The following PSAP variants were observed in gnomAD, a reference collection of about 807,000 sequenced individuals.
PSAP encodes the protein precursor of saposins.
In PSAP, 25 loss-of-function variants were observed where a neutral mutation model predicts 66.0. The observed-to-expected ratio is 0.38, with a 90% CI of 0.28 to 0.53. PSAP has a LOEUF of 0.53. Among genes scored for constraint, PSAP ranks in the 20% least tolerant of loss-of-function variants. The pLI is 0.83. For synonymous variants in PSAP, 273 were observed against 258.9 expected, an observed-to-expected ratio of 1.05 and a Z score of -0.52; for missense variants, 649 against 668.8, an observed-to-expected ratio of 0.97 and a Z score of 0.33.
chr10:71,847,497 G>A (rs905633146), intron 1 of PSAP, among the ~76,000 whole-genome samples: 5 of 151,970 alleles, frequency 3.3e-5, no homozygotes, highest in Non-Finnish European at 5.9e-5. Flanking sequence ...GCAGTGAGCC[G>A]AGATCGCGCC....
At chr10:71,826,360 A>C (rs1842399352) in intron 6 of PSAP, among the ~76,000 whole-genome samples, 1 of 152,214 alleles carries the variant, frequency 6.6e-6, no homozygotes, top group South Asian at 2.1e-4. Context: ...ATTTTCAGAC[A>C]ATCTAGATAC....
rs974962311 is a variant in PSAP, at chr10:71,834,579, G to A, written c.41-74C>T. On this transcript the variant is annotated intron_variant, in intron 1 of 13. Transcript: ENST00000394936. ...GGTCGACCTGACTTATTTCCCCAGGGCTGAGGGCGACTGTCCTTGAGCTGG... is the reference window on the plus strand; with the variant it reads ...GGTCGACCTGACTTATTTCCCCAGGACTGAGGGCGACTGTCCTTGAGCTGG... The A allele has an allele frequency of 3.2e-6, 5 of 1,570,876 alleles. No homozygotes were observed. The Admixed American group carries it at 7.3e-5, about 23-fold the overall frequency.
rs371857434 is a variant in PSAP at position 71,829,856 on chromosome 10, G to A, written c.376-779C>T. ...TCTACAAAAATACAAAAATTAGCCG[G>A]GCATGATGGTGGGTGCCTGTGATCC... is the stretch of plus-strand genomic sequence containing the variant. On this transcript the variant is annotated intron_variant, in intron 4 of 13. Transcript: ENST00000394936. Among the ~76,000 whole-genome samples, 10 of 152,148 alleles carry A rather than the reference G, an allele frequency of 6.6e-5. No individual in the cohort carries two copies. In the South Asian group the frequency reaches 1.9e-3, roughly 28 times the overall value.
chr10:71,839,367 C>CT (rs1842687958), intron 1 of PSAP, among the ~76,000 whole-genome samples: 2 of 152,066 alleles, frequency 1.3e-5, no homozygotes, highest in South Asian at 4.1e-4. Flanking sequence ...AGCCTCCCAA[C>CT]TAGCTGAGAT....
chr10:71,851,131 G>T, intron 1 of PSAP, 51 bp downstream of exon 1: 1 of 1,545,478 alleles, frequency 6.5e-7, no homozygotes, highest in Non-Finnish European at 8.8e-7. Flanking sequence ...TTCTGGGGCA[G>T]ATGGACGCTG....
At chr10:71,844,701 T>C (rs1842788244) in intron 1 of PSAP, 1 of 152,206 alleles carries the variant, frequency 6.6e-6, no homozygotes, top group Non-Finnish European at 1.5e-5. Context: ...TACTATATTG[T>C]AGTGAAAATG....
intron 1 of PSAP, among the ~76,000 whole-genome samples, chr10:71,835,719 T>C (rs182853743): frequency 1.5e-4 from 22 of 150,030 alleles, no homozygotes; most frequent in Non-Finnish European, 2.9e-4. Flanking sequence ...TACATCGGAC[T>C]ACACATAGAG....
chr10:71,839,167 A>C (rs1178548714), intron 1 of PSAP, among the ~76,000 whole-genome samples: 2 of 123,134 alleles, frequency 1.6e-5, no homozygotes, highest in African/African-American at 5.1e-5. Flanking sequence ...AAAGACATGA[A>C]CAGCACTCGG....
At chr10:71,832,685 C>T (rs886176498) in intron 2 of PSAP, among the ~76,000 whole-genome samples, 3 of 152,112 alleles carry the variant, frequency 2.0e-5, no homozygotes, top group Non-Finnish European at 4.4e-5. Flanking sequence ...GTTCCACAGA[C>T]AGCCCTCAAC....
rs552970787 is a variant in PSAP at position 71,844,922 on chromosome 10, T to C, written c.40+6260A>G. The C allele has an allele frequency of 2.0e-5, 3 of 152,312 alleles. No individual in the cohort carries two copies. The South Asian group carries it at 6.2e-4, about 32-fold the overall frequency. The allele number at this position is 152,312 out of a possible 1,614,324, so 9.4% of individuals were successfully genotyped here. On this transcript the variant is annotated intron_variant, in intron 1 of 13. Coordinates refer to ENST00000394936, the MANE Select transcript of PSAP (RefSeq NM_002778.4). ...TGCAGTTACCCACGGTCAAATGTGG[T>C]TTGAAAATGTATTCCCACAGTCAAA...
At chr10:71,828,848 G>C (rs763813688) in intron 5 of PSAP, 29 bp downstream of exon 5, 8 of 1,612,516 alleles carry the variant, frequency 5.0e-6, no homozygotes, top group Non-Finnish European at 6.8e-6. Flanking sequence ...ACCAAAAATG[G>C]GTCCTCAGTG....
Position 71,829,896 on chromosome 10 carries a change from G to A in PSAP, c.376-819C>T, listed in dbSNP as rs180842744. Among the ~76,000 whole-genome samples, 7 of 152,274 alleles carry A rather than the reference G, an allele frequency of 4.6e-5. No homozygotes were observed. The East Asian group carries it at 1.4e-3, about 29-fold the overall frequency. On this transcript the variant is annotated intron_variant, in intron 4 of 13. Coordinates refer to ENST00000394936, the MANE Select transcript of PSAP (RefSeq NM_002778.4). ...GCCTGTGATCCCAGCTACTTGGGAG[G>A]CTGAGATGGGAGAATCACTTGAACC...
Position 71,817,150 on chromosome 10 carries a change from CAG to C in PSAP, c.*289_*290del. ...GTCAAGAAACTGTGGCTCATGCCAG[CAG>C]AGCTCTCTCCTCCTCCAGCAGGCGC... On this transcript the variant is annotated 3_prime_UTR_variant, in exon 14 of 14. Coordinates refer to ENST00000394936, the MANE Select transcript of PSAP (RefSeq NM_002778.4). 3 of 512,368 alleles carry C rather than the reference CAG, an allele frequency of 5.9e-6. No homozygotes were observed. In the Admixed American group the frequency reaches 9.6e-5, roughly 16 times the overall value. The allele number at this position is 512,368 out of a possible 1,614,324, so 31.7% of individuals were successfully genotyped here.
Position 71,821,929 on chromosome 10 carries a change from T to C in PSAP, c.856A>G (p.Lys286Glu), listed in dbSNP as rs1376075974. 4.3e-6 allele frequency: 7 copies of C among 1,614,078 alleles called. No homozygotes were observed. The African/African-American group carries it at 6.7e-5, about 15-fold the overall frequency. ...EMPMQTLVPA[K>E]VASKNVIPAL... ...GGGATGACATTCTTGGAGGCCACTT[T>C]GGCGGGGACCAGAGTCTGCATGGGC... The change falls in exon 8 of 14, where the codon AAA becomes GAA. Residue 286 changes from lysine to glutamate, a missense_variant. By Grantham distance (56) the Lys-to-Glu change is moderately conservative. Transcript: ENST00000394936.
At chr10:71,842,915 G>A (rs1842753201) in intron 1 of PSAP, among the ~76,000 whole-genome samples, 1 of 152,102 alleles carries the variant, frequency 6.6e-6, no homozygotes, top group African/African-American at 2.4e-5. Context: ...AAGCAATGAA[G>A]TTTCAGGCAC....
intron 1 of PSAP, among the ~76,000 whole-genome samples, chr10:71,845,471 ACTATTTGTG>A (rs1435373814): frequency 2.6e-5 from 4 of 152,208 alleles, no homozygotes; most frequent in African/African-American, 9.6e-5. Context: ...AGAATATACT[ACTATTTGTG>A]TTAAAAAGAA....
At position 71,820,410 on chromosome 10, in the gene PSAP, G is replaced by C. The variant is rs1488332145; in HGVS notation, c.910-75C>G. 4.7e-6 allele frequency: 6 copies of C among 1,266,294 alleles called. No individual in the cohort carries two copies. The African/African-American group carries it at 8.8e-5, about 19-fold the overall frequency. The allele number at this position is 1,266,294 out of a possible 1,614,324, so 78.4% of individuals were successfully genotyped here. Reference sequence around the variant, plus strand: ...CTTGGTCTTGCTCCCCTAAAGGAAAGGGGACACAGAGACCAGGGTGGGTTA... The same window carrying C: ...CTTGGTCTTGCTCCCCTAAAGGAAACGGGACACAGAGACCAGGGTGGGTTA... On this transcript the variant is annotated intron_variant, in intron 8 of 13. Coordinates refer to ENST00000394936, the MANE Select transcript of PSAP (RefSeq NM_002778.4).
chr10:71,817,355 A>G lies in PSAP; in HGVS notation c.*86T>C, dbSNP rs187964417. On this transcript the variant is annotated 3_prime_UTR_variant, in exon 14 of 14. Transcript: ENST00000394936. ...GAGCCCTATTTTTATAACAAAGTCAAACAGATCTGTGCGTTCATTCCCCCA... is the reference window on the plus strand; with the variant it reads ...GAGCCCTATTTTTATAACAAAGTCAGACAGATCTGTGCGTTCATTCCCCCA... 8.4e-6 allele frequency: 12 copies of G among 1,421,514 alleles called. No homozygotes were observed. In the East Asian group the frequency reaches 2.7e-4, roughly 32 times the overall value. 88.1% of individuals were successfully genotyped at this position (1,421,514 alleles called of 1,614,324 possible).
At position 71,851,250 on chromosome 10, in the gene PSAP, G is replaced by C; in HGVS notation, c.-29C>G. 1.3e-6 allele frequency: 2 copies of C among 1,550,038 alleles called. No individual in the cohort carries two copies. Among genetic ancestry groups the C allele is most frequent in the African/African-American group, 1.4e-5 (1 of 73,174 alleles). On this transcript the variant is annotated 5_prime_UTR_variant, in exon 1 of 14. Coordinates refer to ENST00000394936, the MANE Select transcript of PSAP (RefSeq NM_002778.4). ...GCCGTCTGACTCCGCAGTCTGCAAT[G>C]CGGAGCGTCAGCTGATCCCCCGCAG...
Sources: gnomAD v4.1 joint callset for allele counts (sites outside exome capture counted in the v4.1 genomes callset) on GRCh38, gnomAD v4.1.1 for gene constraint, MANE v1.5 for transcripts, NCBI Gene and HGNC (gene_info 2026-07-23, HGNC 2026-07-21) for gene names.